CCDC149: variants seen among roughly 807,000 people sequenced by gnomAD.
CCDC149 encodes coiled-coil domain-containing protein 149.
CCDC149 carries 45 observed loss-of-function variants against 59.9 expected under a neutral mutation model. That is an observed-to-expected ratio of 0.75 (90% CI 0.59 to 0.96). The LOEUF is 0.96. CCDC149 is among the 40% of genes least tolerant of loss of function. CCDC149 has a pLI of 0.00. For missense variants in CCDC149, 584 were observed against 664.7 expected (o/e 0.88, Z 1.33); for synonymous variants, 245 against 260.6 (o/e 0.94, Z 0.58).
chr4:24,920,056 G>T (rs1722241317), intron 1 of CCDC149, among the ~76,000 whole-genome samples: 1 of 152,174 alleles, frequency 6.6e-6, no homozygotes, highest in African/African-American at 2.4e-5. Context: ...CCATGTCCTG[G>T]CTCCCTCACA....
chr4:24,932,775 A>T (rs1400839822), intron 1 of CCDC149, among the ~76,000 whole-genome samples: 1 of 152,170 alleles, frequency 6.6e-6, no homozygotes, highest in East Asian at 1.9e-4. Context: ...CACCAGGGAA[A>T]ACATTAGTCA....
At chr4:24,972,892 A>G (rs1179057417) in intron 1 of CCDC149, among the ~76,000 whole-genome samples, 1 of 152,154 alleles carries the variant, frequency 6.6e-6, no homozygotes, top group Non-Finnish European at 1.5e-5. Flanking sequence ...GACCCTCCCA[A>G]TCCTGAAGGG....
At chr4:24,891,201 C>T (rs535140937) in intron 1 of CCDC149, among the ~76,000 whole-genome samples, 1 of 151,866 alleles carries the variant, frequency 6.6e-6, no homozygotes, top group Admixed American at 6.6e-5. Context: ...CTCAGCCCCC[C>T]CAGCAAAAAG....
At chr4:24,834,903 T>TTCGA in intron 8 of CCDC149, 45 bp downstream of exon 8, 1 of 1,418,966 alleles carries the variant, frequency 7.0e-7, no homozygotes, top group Non-Finnish European at 9.9e-7. Context: ...GCAGCTCTAG[T>TTCGA]ATTTTACGCT....
At chr4:24,847,183 T>A (rs1467575055) in intron 4 of CCDC149, among the ~76,000 whole-genome samples, 2 of 152,192 alleles carry the variant, frequency 1.3e-5, no homozygotes, top group Non-Finnish European at 2.9e-5. Flanking sequence ...TGGAAATAGC[T>A]GATCAATAGA....
At chr4:24,815,483 T>C (rs950649349) in intron 12 of CCDC149, among the ~76,000 whole-genome samples, 6 of 152,192 alleles carry the variant, frequency 3.9e-5, no homozygotes, top group Admixed American at 2.0e-4. Flanking sequence ...AGCAGCTAAA[T>C]TTTTCACCAA....
intron 1 of CCDC149, among the ~76,000 whole-genome samples, chr4:24,973,113 G>A (rs2109369038): frequency 6.6e-6 from 1 of 152,236 alleles, no homozygotes; most frequent in East Asian, 1.9e-4. Flanking sequence ...AGAAGATCTT[G>A]GAATCCCCCT....
At chr4:24,966,181 C>A (rs1231292271) in intron 1 of CCDC149, among the ~76,000 whole-genome samples, 1 of 152,090 alleles carries the variant, frequency 6.6e-6, no homozygotes, top group Non-Finnish European at 1.5e-5. Context: ...GTGACCACAC[C>A]CTGGTTGAGT....
intron 9 of CCDC149, chr4:24,829,981 G>T (rs73101592): frequency 0.016 from 2,498 of 152,900 alleles, 66 homozygotes; most frequent in African/African-American, 0.056. Flanking sequence ...AAGGGAGGAG[G>T]TTGAAGAGGG....
chr4:24,909,963 T>C (rs560531931), intron 1 of CCDC149, among the ~76,000 whole-genome samples: 4 of 152,332 alleles, frequency 2.6e-5, no homozygotes, highest in African/African-American at 7.2e-5. Context: ...TATGTCTTTA[T>C]AAGCAGCATG....
chr4:24,938,948 T>C (rs1432317852), intron 1 of CCDC149, among the ~76,000 whole-genome samples: 1 of 152,224 alleles, frequency 6.6e-6, no homozygotes, highest in Non-Finnish European at 1.5e-5. Context: ...TGCCTGCCTC[T>C]GTAGGCTCCA....
At chr4:24,891,552 G>A (rs566498391) in intron 1 of CCDC149, among the ~76,000 whole-genome samples, 5 of 152,298 alleles carry the variant, frequency 3.3e-5, no homozygotes, top group African/African-American at 9.6e-5. Context: ...TATTTATCAG[G>A]AGAACATTTA....
At chr4:24,820,797 C>T (rs1026530367) in intron 11 of CCDC149, among the ~76,000 whole-genome samples, 5 of 152,130 alleles carry the variant, frequency 3.3e-5, no homozygotes, top group South Asian at 2.1e-4. Flanking sequence ...TCCTGTCCTC[C>T]CACTTTGTAT....
intron 1 of CCDC149, among the ~76,000 whole-genome samples, chr4:24,887,362 T>G (rs1547578): frequency 0.75 from 112,735 of 151,168 alleles, 42,863 homozygotes; most frequent in Admixed American, 0.82. Flanking sequence ...ATGGGATCAG[T>G]CTAGCTCTCA....
At chr4:24,949,078 A>G (rs941354035) in intron 1 of CCDC149, among the ~76,000 whole-genome samples, 14 of 152,176 alleles carry the variant, frequency 9.2e-5, no homozygotes, top group Non-Finnish European at 1.9e-4. Flanking sequence ...AGACTAATAG[A>G]ATCCCCTAAT....
chr4:24,887,618 A>G, intron 1 of CCDC149, among the ~76,000 whole-genome samples: 1 of 151,948 alleles, frequency 6.6e-6, no homozygotes, highest in Non-Finnish European at 1.5e-5. Context: ...GCTCCAGGTG[A>G]ACAGCATTCA....
At chr4:24,817,548 G>A (rs980380875) in intron 12 of CCDC149, among the ~76,000 whole-genome samples, 1 of 151,662 alleles carries the variant, frequency 6.6e-6, no homozygotes, top group African/African-American at 2.4e-5. Context: ...CTTACCCAGT[G>A]ATAAGAAGTG....
intron 3 of CCDC149, among the ~76,000 whole-genome samples, chr4:24,868,390 A>C (rs1232816941): frequency 6.6e-6 from 1 of 152,206 alleles, no homozygotes; most frequent in East Asian, 1.9e-4. Context: ...AATATGTTTA[A>C]GGGACAAGAG....
chr4:24,928,448 G>A (rs1722491099), intron 1 of CCDC149, among the ~76,000 whole-genome samples: 1 of 152,128 alleles, frequency 6.6e-6, no homozygotes, highest in Admixed American at 6.5e-5. Context: ...CAGAATGGAT[G>A]GTATGCATAA....
Sources: allele counts gnomAD v4.1 joint callset (sites outside exome capture counted in the v4.1 genomes callset), GRCh38; gene constraint gnomAD v4.1.1; transcripts MANE v1.5; gene names NCBI Gene and HGNC (gene_info 2026-07-23, HGNC 2026-07-21).